Variants in MACIR observed in about 807,000 individuals in gnomAD.
The protein encoded by MACIR is UNC119-binding protein C5orf30.
MACIR carries 4 observed loss-of-function variants against 14.3 expected under a neutral mutation model. The ratio of observed to expected loss-of-function variants is 0.28; its 90% CI spans 0.14 to 0.64. MACIR has a LOEUF of 0.64. MACIR is among the 30% of genes least tolerant of loss of function. MACIR has a pLI of 0.83. For synonymous variants in MACIR, 101 were observed against 102.4 expected (o/e 0.99, Z 0.08); for missense variants, 228 against 257.6 (o/e 0.89, Z 0.79).
In MACIR at chr5:103,261,709, T is replaced by TCTTTCTTTCTTTCTTTCTTTCTTC. The variant is rs1562545930; in HGVS notation, c.-114+2833_-114+2834insCTTCCTTTCTTTCTTTCTTTCTTT. Among the ~76,000 whole-genome samples the TCTTTCTTTCTTTCTTTCTTTCTTC allele has an allele frequency of 5.9e-3, 604 of 102,920 alleles. 11 individuals are homozygous for TCTTTCTTTCTTTCTTTCTTTCTTC. The highest frequency in any genetic ancestry group is 9.6e-3 in the Middle Eastern group (2 of 208). 67.5% of individuals were successfully genotyped at this position (102,920 alleles called of 152,430 possible). A position where few individuals can be genotyped will look rare whatever the true frequency, so the allele number is the denominator to read the frequency against. ...TTCTTTCTTTCTTTCTTTCTTCCTT[T>TCTTTCTTTCTTTCTTTCTTTCTTC]CTTTCTTTCTTTCTTTCTTTTCTTT... On this transcript the variant is annotated intron_variant, in intron 1 of 2. Coordinates refer to ENST00000319933, the MANE Select transcript of MACIR (RefSeq NM_033211.4).
At chr5:103,265,409 C>T (rs1554236667) in intron 1 of MACIR, among the ~76,000 whole-genome samples, 1 of 152,114 alleles carries the variant, frequency 6.6e-6, no homozygotes, top group Admixed American at 6.6e-5. Flanking sequence ...CATCTAACAA[C>T]TGTATTAGGG....
At chr5:103,264,123 C>T (rs113083740) in intron 1 of MACIR, among the ~76,000 whole-genome samples, 1,753 of 152,104 alleles carry the variant, frequency 0.012, 35 homozygotes, top group African/African-American at 0.04. Flanking sequence ...ATACATTTTG[C>T]GGGATCATGA....
At chr5:103,262,452 C>T (rs1554236384) in intron 1 of MACIR, among the ~76,000 whole-genome samples, 2 of 152,136 alleles carry the variant, frequency 1.3e-5, no homozygotes, top group African/African-American at 4.8e-5. Context: ...AAGGGGGTTG[C>T]TTTCAATAAT....
chr5:103,261,446 G>A (rs1804678665), intron 1 of MACIR, among the ~76,000 whole-genome samples: 1 of 152,082 alleles, frequency 6.6e-6, no homozygotes, highest in African/African-American at 2.4e-5. Flanking sequence ...TCTGCTTAGT[G>A]TTCAGTTAGT....
chr5:103,272,219 C>T (rs782775704), intron 2 of MACIR, among the ~76,000 whole-genome samples: 5 of 152,158 alleles, frequency 3.3e-5, no homozygotes, highest in Non-Finnish European at 7.4e-5. Flanking sequence ...CTGCTAAACA[C>T]AGGCCATCTC....
At chr5:103,261,686 CTTT>C (rs1562545809) in intron 1 of MACIR, among the ~76,000 whole-genome samples, 125 of 121,926 alleles carry the variant, frequency 1.0e-3, no homozygotes, top group African/African-American at 4.0e-3. Flanking sequence ...TTCTTTCTTT[CTTT>C]CTTTCTTTCT....
At position 103,270,054 on chromosome 5, in the gene MACIR, A is replaced by G. The variant is rs543772251; in HGVS notation, c.-24+4057A>G. ...TTTTCTTCTTGGAAAAATCAAACAC[A>G]TCAAACAAAAGGAAGTACATCATCT... On this transcript the variant is annotated intron_variant, in intron 2 of 2. Coordinates refer to ENST00000319933, the MANE Select transcript of MACIR (RefSeq NM_033211.4). 2.0e-5 allele frequency among the ~76,000 whole-genome samples: 3 copies of G among 152,158 alleles called. No individual in the cohort carries two copies. In the South Asian group the frequency reaches 6.2e-4, roughly 31 times the overall value.
At chr5:103,258,526 C>A (rs949882835), upstream of MACIR, among the ~76,000 whole-genome samples, 4 of 152,264 alleles carry the variant, frequency 2.6e-5, no homozygotes, top group Admixed American at 1.3e-4. Context: ...AGTCAACAAC[C>A]CCGCCCACCC....
rs1390546555 is a variant in MACIR, at chr5:103,276,129, C to G, written c.210C>G (p.Leu70=). The change falls in exon 3 of 3, where the codon CTC becomes CTG. Residue 70 remains leucine, a synonymous_variant. Transcript: ENST00000319933. ...YLVGFTTGEE[L]LKLAQKCTGG... ...TTGGCTTCACGACTGGCGAGGAACT[C>G]CTGAAGTTAGCTCAGAAGTGCACAG... 3.1e-6 allele frequency: 5 copies of G among 1,613,856 alleles called. No homozygotes were observed. The highest frequency in any genetic ancestry group is 3.4e-6 in the Non-Finnish European group (4 of 1,179,998).
chr5:103,258,387 T>C (rs1804532567), upstream of MACIR, among the ~76,000 whole-genome samples: 1 of 151,962 alleles, frequency 6.6e-6, no homozygotes, highest in South Asian at 2.1e-4. Context: ...GACTCACAAG[T>C]GACAAATATC....
At chr5:103,261,651 T>G (rs1486762038) in intron 1 of MACIR, among the ~76,000 whole-genome samples, 2 of 85,574 alleles carry the variant, frequency 2.3e-5, no homozygotes, top group South Asian at 6.8e-4. Flanking sequence ...TCTTTCTTTC[T>G]TTCTTTCTTT....
At chr5:103,261,546 G>T (rs375918942) in intron 1 of MACIR, among the ~76,000 whole-genome samples, 7 of 152,120 alleles carry the variant, frequency 4.6e-5, no homozygotes, top group Admixed American at 2.0e-4. Flanking sequence ...TATTTTGAAA[G>T]AATTTTTAAA....
At chr5:103,261,696 TTCTTTCTTCC>T (rs1554236304) in intron 1 of MACIR, among the ~76,000 whole-genome samples, 1 of 129,834 alleles carries the variant, frequency 7.7e-6, no homozygotes, top group East Asian at 2.2e-4. Flanking sequence ...CTTTCTTTCT[TTCTTTCTTCC>T]TTTCTTTCTT....
chr5:103,275,990 A>C lies in MACIR; in HGVS notation c.71A>C (p.Asn24Thr), dbSNP rs1229089780. ...TTLPFPGAEA[N>T]SPGKAEAEKP... ...TTGCCCTTCCCTGGGGCTGAGGCCA[A>C]CTCCCCGGGAAAGGCGGAGGCAGAG... Residue 24 changes from asparagine to threonine, a missense_variant, in exon 3 of 3, where the codon AAC becomes ACC. Coordinates refer to ENST00000319933, the MANE Select transcript of MACIR (RefSeq NM_033211.4). The C allele has an allele frequency of 3.7e-6, 6 of 1,613,828 alleles. No individual in the cohort carries two copies. The highest frequency in any genetic ancestry group is 5.1e-6 in the Non-Finnish European group (6 of 1,180,002).
At chr5:103,274,029 T>C (rs1178287139) in intron 2 of MACIR, among the ~76,000 whole-genome samples, 3 of 152,092 alleles carry the variant, frequency 2.0e-5, no homozygotes, top group African/African-American at 7.2e-5. Flanking sequence ...TTTTTTTGCC[T>C]CACTGACCCT....
intron 2 of MACIR, among the ~76,000 whole-genome samples, chr5:103,272,808 G>T (rs781811002): frequency 1.3e-5 from 2 of 152,174 alleles, no homozygotes; most frequent in Non-Finnish European, 2.9e-5. Context: ...ATCGAGACCT[G>T]AAGTTGTTCT....
In MACIR at chr5:103,276,505, C is replaced by T. The variant is rs1554237758; in HGVS notation, c.586C>T (p.Arg196Ter). The change falls in exon 3 of 3, where the codon CGA (arginine) becomes TGA (stop). Residue 196 changes from arginine (R) to a stop codon, truncating the protein, a stop_gained. Transcript: ENST00000319933. LOFTEE classifies it high-confidence loss of function. The part of the protein sequence containing the change: ...LQYQLQHLTL[R>*]GDRVFARNNT Reference sequence around the variant, plus strand: ...GTACCAGCTTCAACACCTAACCCTCCGAGGGGACCGTGTGTTTGCTAGGAA... The same window carrying T: ...GTACCAGCTTCAACACCTAACCCTCTGAGGGGACCGTGTGTTTGCTAGGAA... The T allele has an allele frequency of 1.2e-6, 2 of 1,612,176 alleles. No homozygotes were observed. The highest frequency in any genetic ancestry group is 1.7e-5 in the Admixed American group (1 of 59,666).
Position 103,258,870 on chromosome 5 carries a change from C to G in MACIR, c.-140C>G, listed in dbSNP as rs781909013. The stretch of plus-strand genomic sequence containing the variant: ...TCCCGCTCCGCAGCCCCGGGCACGG[C>G]GGAGGCAGCGGAGCCCTGGGCCATC... On this transcript the variant is annotated 5_prime_UTR_variant, in exon 1 of 3. Transcript: ENST00000319933. 6.6e-6 allele frequency: 1 copy of G among 152,320 alleles called. No individual in the cohort carries two copies. The highest frequency in any genetic ancestry group is 1.5e-5 in the Non-Finnish European group (1 of 68,152). The allele number at this position is 152,320 out of a possible 1,614,324, so 9.4% of individuals were successfully genotyped here.
chr5:103,261,693 TCTTTCTTTCTTC>T (rs1301111002), intron 1 of MACIR, among the ~76,000 whole-genome samples: 93 of 119,390 alleles, frequency 7.8e-4, no homozygotes, highest in East Asian at 2.4e-3. Context: ...TTTCTTTCTT[TCTTTCTTTCTTC>T]CTTTCTTTCT....
Sources: allele counts gnomAD v4.1 joint callset (sites outside exome capture counted in the v4.1 genomes callset), GRCh38; gene constraint gnomAD v4.1.1; transcripts MANE v1.5; gene names NCBI Gene and HGNC (gene_info 2026-07-23, HGNC 2026-07-21).